The following RAB8B variants were observed in gnomAD, a reference collection of about 807,000 sequenced individuals.
The protein encoded by RAB8B is RAB8B, member RAS oncogene family.
A neutral mutation model predicts 32.0 loss-of-function variants in RAB8B; 11 were observed. The observed-to-expected ratio is 0.34, with a 90% CI of 0.22 to 0.57. The LOEUF (loss-of-function observed/expected upper bound fraction) is 0.57, where lower values mean the gene tolerates loss of function less well. RAB8B is among the 20% of genes least tolerant of loss of function. The pLI is 0.86. For missense variants in RAB8B, 190 were observed against 258.5 expected, an observed-to-expected ratio of 0.73 and a Z score of 1.82; for synonymous variants, 103 against 89.6, an observed-to-expected ratio of 1.15 and a Z score of -0.85.
intron 1 of RAB8B, among the ~76,000 whole-genome samples, chr15:63,227,748 C>G (rs2037900725): frequency 1.3e-5 from 2 of 152,138 alleles, no homozygotes; most frequent in Admixed American, 1.3e-4. Context: ...GCTTTATAAA[C>G]AGAAAGATGA....
chr15:63,195,745 G>T (rs939228309), intron 1 of RAB8B, among the ~76,000 whole-genome samples: 2 of 152,208 alleles, frequency 1.3e-5, no homozygotes, highest in African/African-American at 2.4e-5. Flanking sequence ...ACTGTTACTT[G>T]AGAATATTTT....
At position 63,266,823 on chromosome 15, in the gene RAB8B, A is replaced by G. The variant is rs75626859; in HGVS notation, c.*3204A>G. 15 of 152,646 alleles carry G rather than the reference A, an allele frequency of 9.8e-5. No homozygotes were observed. Among genetic ancestry groups the G allele is most frequent in the African/African-American group, 3.6e-4 (15 of 41,460 alleles). The allele number at this position is 152,646 out of a possible 1,614,324, so 9.5% of individuals were successfully genotyped here. On this transcript the variant is annotated 3_prime_UTR_variant, in exon 8 of 8. Coordinates refer to ENST00000321437, the MANE Select transcript of RAB8B (RefSeq NM_016530.3). Reference sequence around the variant, plus strand: ...TACAGGTTCTGAATGCTCAGAGTCTATATTAAGGCTTATAAAGTTTTTCCT... The same window carrying G: ...TACAGGTTCTGAATGCTCAGAGTCTGTATTAAGGCTTATAAAGTTTTTCCT...
intron 1 of RAB8B, among the ~76,000 whole-genome samples, chr15:63,207,199 C>T (rs2037705421): frequency 6.6e-6 from 1 of 152,154 alleles, no homozygotes; most frequent in Non-Finnish European, 1.5e-5. Flanking sequence ...GCATTGATGT[C>T]CATATCTCCT....
chr15:63,189,870 C>G lies in RAB8B; in HGVS notation c.124+122C>G. On this transcript the variant is annotated intron_variant, in intron 1 of 7. Transcript: ENST00000321437. The stretch of plus-strand genomic sequence containing the variant: ...GGAGACCCCGGGGACTGCAAGGTGG[C>G]GGGGGCACTGAGAGGGGCGAGGGCG... 74 of 895,838 alleles carry G rather than the reference C, an allele frequency of 8.3e-5. No individual in the cohort carries two copies. The South Asian group carries it at 1.3e-3, about 16-fold the overall frequency. The allele number at this position is 895,838 out of a possible 1,614,324, so 55.5% of individuals were successfully genotyped here. A position where few individuals can be genotyped will look rare whatever the true frequency, so the allele number is the denominator to read the frequency against.
rs74981213 is a variant in RAB8B at position 63,243,863 on chromosome 15, G to T, written c.125-893G>T. On this transcript the variant is annotated intron_variant, in intron 1 of 7. Transcript: ENST00000321437. ...TGGGAACTCCAAGGGTATGGCATCAGCATCTGGTGAGGACCTTCATGCTTC... is the reference window on the plus strand; with the variant it reads ...TGGGAACTCCAAGGGTATGGCATCATCATCTGGTGAGGACCTTCATGCTTC... 5.6e-3 allele frequency among the ~76,000 whole-genome samples: 854 copies of T among 152,292 alleles called. 5 individuals carry two copies. The highest frequency in any genetic ancestry group is 0.012 in the South Asian group (56 of 4,830).
chr15:63,230,522 G>A (rs1051870542), intron 1 of RAB8B, among the ~76,000 whole-genome samples: 43 of 152,188 alleles, frequency 2.8e-4, no homozygotes, highest in African/African-American at 6.7e-4. Flanking sequence ...AGCTGTTTTC[G>A]AACTCCTGAC....
intron 1 of RAB8B, among the ~76,000 whole-genome samples, chr15:63,241,682 T>C (rs1040284779): frequency 1.2e-4 from 19 of 152,286 alleles, no homozygotes; most frequent in Non-Finnish European, 2.5e-4. Context: ...TGGAAAGTCA[T>C]GAATTTTTTT....
At chr15:63,202,235 G>A (rs942210197) in intron 1 of RAB8B, among the ~76,000 whole-genome samples, 4 of 150,914 alleles carry the variant, frequency 2.7e-5, no homozygotes, top group Admixed American at 6.6e-5. Context: ...CCGAGATCGC[G>A]CCACTGCACT....
intron 1 of RAB8B, among the ~76,000 whole-genome samples, chr15:63,234,514 T>C (rs1187067061): frequency 6.6e-6 from 1 of 152,226 alleles, no homozygotes; most frequent in Non-Finnish European, 1.5e-5. Context: ...ATCTGTTAAC[T>C]ATGGACTTGG....
chr15:63,246,114 C>T (rs1021073998), intron 2 of RAB8B, among the ~76,000 whole-genome samples: 2 of 152,126 alleles, frequency 1.3e-5, no homozygotes, highest in Admixed American at 6.5e-5. Flanking sequence ...CTCAGGTAAT[C>T]CGCCCGCCTC....
intron 1 of RAB8B, among the ~76,000 whole-genome samples, chr15:63,242,537 G>A (rs1331098880): frequency 6.6e-6 from 1 of 152,096 alleles, no homozygotes; most frequent in African/African-American, 2.4e-5. Flanking sequence ...AATTATCTGG[G>A]CGTGATGGTG....
At chr15:63,256,869 G>T (rs2038162794) in intron 5 of RAB8B, among the ~76,000 whole-genome samples, 1 of 152,156 alleles carries the variant, frequency 6.6e-6, no homozygotes, top group Non-Finnish European at 1.5e-5. Flanking sequence ...CTGCAGCTTA[G>T]AGTTCAGGCT....
intron 1 of RAB8B, among the ~76,000 whole-genome samples, chr15:63,214,309 T>G (rs1475280810): frequency 1.4e-5 from 2 of 145,990 alleles, no homozygotes; most frequent in Admixed American, 1.4e-4. Context: ...TTTTTTTTTT[T>G]GAGACGGAGT....
intron 1 of RAB8B, among the ~76,000 whole-genome samples, chr15:63,203,696 C>T (rs1452120012): frequency 6.6e-6 from 1 of 152,178 alleles, no homozygotes; most frequent in African/African-American, 2.4e-5. Context: ...TCTTGCAACG[C>T]GTCTTAGTTG....
chr15:63,253,523 T>A (rs1006321204), intron 3 of RAB8B, among the ~76,000 whole-genome samples: 1 of 151,954 alleles, frequency 6.6e-6, no homozygotes, highest in Non-Finnish European at 1.5e-5. Context: ...AGGCTAAGAA[T>A]GAAAGCAGGG....
chr15:63,225,648 T>C (rs1443919956), intron 1 of RAB8B, among the ~76,000 whole-genome samples: 1 of 152,148 alleles, frequency 6.6e-6, no homozygotes, highest in East Asian at 1.9e-4. Flanking sequence ...GACACCAGTA[T>C]GGAGTAGGAT....
chr15:63,229,515 C>T (rs906998675), intron 1 of RAB8B, among the ~76,000 whole-genome samples: 2 of 152,164 alleles, frequency 1.3e-5, no homozygotes, highest in Non-Finnish European at 2.9e-5. Context: ...GGCATGGTGG[C>T]TCACGCCTGT....
rs1327258236 is a variant in RAB8B, at chr15:63,197,547, T to A, written c.124+7799T>A. Among the ~76,000 whole-genome samples, 3 of 151,956 alleles carry A rather than the reference T, an allele frequency of 2.0e-5. No homozygotes were observed. In the East Asian group the frequency reaches 5.8e-4, roughly 29 times the overall value. ...CACTACCATACCTGGTTAATTTTTG[T>A]ATTTTTTACAGAGAGAAGGTTTCGC... On this transcript the variant is annotated intron_variant, in intron 1 of 7. Transcript: ENST00000321437.
At chr15:63,231,495 T>G (rs74582854) in intron 1 of RAB8B, among the ~76,000 whole-genome samples, 4 of 28,406 alleles carry the variant, frequency 1.4e-4, no homozygotes, top group African/African-American at 2.9e-4. Context: ...ATTTGCGTGT[T>G]TTTTGTTTTT....
Sources: gnomAD v4.1 joint callset for allele counts (sites outside exome capture counted in the v4.1 genomes callset) on GRCh38, gnomAD v4.1.1 for gene constraint, MANE v1.5 for transcripts, NCBI Gene and HGNC (gene_info 2026-07-23, HGNC 2026-07-21) for gene names.